LOXL2: variants seen among roughly 807,000 people sequenced by gnomAD.
LOXL2 encodes lysyl oxidase like 2, also known as lysyl oxidase homolog 2.
In LOXL2, 70 loss-of-function variants were observed where a neutral mutation model predicts 93.0. The ratio of observed to expected loss-of-function variants is 0.75; its 90% CI spans 0.62 to 0.92. The LOEUF is 0.92. Among genes scored for constraint, LOXL2 ranks in the 40% least tolerant of loss-of-function variants. The probability of loss-of-function intolerance (pLI) is 0.00; values close to 1 mark genes in which losing one functional copy is unlikely to be tolerated. For synonymous variants in LOXL2, 438 were observed against 413.2 expected (o/e 1.06, Z -0.73); for missense variants, 973 against 1,054.9 (o/e 0.92, Z 1.08).
At chr8:23,346,765 G>T (rs929885458) in intron 3 of LOXL2, among the ~76,000 whole-genome samples, 2 of 152,178 alleles carry the variant, frequency 1.3e-5, no homozygotes, top group African/African-American at 4.8e-5. Context: ...TTAGCTCAGT[G>T]GTTGTTCTCC....
intron 3 of LOXL2, 131 bp downstream of exon 3, chr8:23,359,959 A>G (rs1804261042): frequency 1.3e-6 from 1 of 798,242 alleles, no homozygotes; most frequent in Non-Finnish European, 2.0e-6. Context: ...CTGCCCTTGT[A>G]TCTAATCCCA....
chr8:23,364,238 A>G (rs1055056697), intron 2 of LOXL2: 1 of 152,136 alleles, frequency 6.6e-6, no homozygotes, highest in Non-Finnish European at 1.5e-5. Context: ...CAATGCAACC[A>G]GCTTCTGGGT....
chr8:23,323,773 C>CG (rs1311669546), intron 6 of LOXL2, among the ~76,000 whole-genome samples: 1 of 152,158 alleles, frequency 6.6e-6, no homozygotes, highest in Non-Finnish European at 1.5e-5. Context: ...GCCATCTCGG[C>CG]TCACTGCAAC....
At chr8:23,369,487 A>T (rs1367399199) in intron 1 of LOXL2, among the ~76,000 whole-genome samples, 4 of 152,144 alleles carry the variant, frequency 2.6e-5, no homozygotes, top group Non-Finnish European at 5.9e-5. Flanking sequence ...TAGGCTAATC[A>T]TATTCTTCTG....
intron 3 of LOXL2, among the ~76,000 whole-genome samples, chr8:23,351,177 A>G (rs551777991): frequency 2.0e-5 from 3 of 152,242 alleles, no homozygotes; most frequent in South Asian, 2.1e-4. Flanking sequence ...ATGAATAAAC[A>G]GATCCTTAGC....
At chr8:23,308,639 CCAGGCAAAAAAGGGAAAACAAAGAAA>C in intron 10 of LOXL2, among the ~76,000 whole-genome samples, 1 of 152,214 alleles carries the variant, frequency 6.6e-6, no homozygotes, top group South Asian at 2.1e-4. Flanking sequence ...GATTAAGAGT[CCAGGCAAAAAAGGGAAAACAAAGAAA>C]CAGAGGGAAG....
At chr8:23,311,131 G>A (rs1055144156) in intron 9 of LOXL2, among the ~76,000 whole-genome samples, 13 of 152,184 alleles carry the variant, frequency 8.5e-5, no homozygotes, top group Admixed American at 7.2e-4. Context: ...TCACCAGCAC[G>A]TGGAGTGAGC....
At chr8:23,340,432 C>T (rs1350430316) in intron 4 of LOXL2, among the ~76,000 whole-genome samples, 2 of 152,180 alleles carry the variant, frequency 1.3e-5, no homozygotes, top group Non-Finnish European at 2.9e-5. Flanking sequence ...TCCCTGTCTA[C>T]TTCTTTCCCC....
At chr8:23,380,004 C>G (rs988416365) in intron 1 of LOXL2, among the ~76,000 whole-genome samples, 5 of 152,192 alleles carry the variant, frequency 3.3e-5, no homozygotes, top group African/African-American at 1.2e-4. Flanking sequence ...GTTGGAAATG[C>G]AGAAATCACC....
chr8:23,385,914 G>A (rs748476253), intron 1 of LOXL2: 14 of 764,330 alleles, frequency 1.8e-5, no homozygotes, highest in South Asian at 8.0e-5. Flanking sequence ...CGTACTTTGC[G>A]TTTGCAGCGC....
At chr8:23,338,332 G>A (rs1208419337) in intron 4 of LOXL2, among the ~76,000 whole-genome samples, 1 of 152,076 alleles carries the variant, frequency 6.6e-6, no homozygotes, top group Admixed American at 6.6e-5. Flanking sequence ...GCTGCAGTTG[G>A]TGGCCAGGGG....
intron 5 of LOXL2, chr8:23,332,016 C>T (rs1005813132): frequency 3.4e-5 from 3 of 87,072 alleles, no homozygotes; most frequent in African/African-American, 1.4e-4. Context: ...AGCCTGGCAA[C>T]AAGAGTGAAA....
At chr8:23,375,293 C>G (rs907643736) in intron 1 of LOXL2, among the ~76,000 whole-genome samples, 1 of 152,022 alleles carries the variant, frequency 6.6e-6, no homozygotes, top group Non-Finnish European at 1.5e-5. Context: ...CTGTTCTGTT[C>G]CACTGGTCTA....
intron 1 of LOXL2, among the ~76,000 whole-genome samples, chr8:23,394,784 C>T (rs998985721): frequency 1.4e-5 from 2 of 144,450 alleles, no homozygotes; most frequent in African/African-American, 5.1e-5. Flanking sequence ...CACATTGAAA[C>T]AGGTGTTCAA....
intron 4 of LOXL2, chr8:23,336,121 C>T (rs2117175784): frequency 6.6e-6 from 1 of 152,442 alleles, no homozygotes; most frequent in East Asian, 1.9e-4. Flanking sequence ...CTCGGGGGAA[C>T]ACCAGCTGCT....
intron 9 of LOXL2, among the ~76,000 whole-genome samples, chr8:23,311,751 A>G (rs148194468): frequency 6.6e-6 from 1 of 152,344 alleles, no homozygotes; most frequent in East Asian, 1.9e-4. Flanking sequence ...AGCAAGGCAG[A>G]GGTGGAACTA....
At chr8:23,390,278 G>C (rs1055427830) in intron 1 of LOXL2, among the ~76,000 whole-genome samples, 11 of 152,208 alleles carry the variant, frequency 7.2e-5, no homozygotes, top group African/African-American at 2.7e-4. Context: ...TGGCTGAATG[G>C]GGTTTGCTCA....
At chr8:23,317,354 G>T (rs1419318389) in intron 8 of LOXL2, among the ~76,000 whole-genome samples, 2 of 152,192 alleles carry the variant, frequency 1.3e-5, no homozygotes, top group African/African-American at 4.8e-5. Context: ...GGGAAGTAGA[G>T]CTAAGGTTGT....
At position 23,303,284 on chromosome 8, in the gene LOXL2, C is replaced by T; in HGVS notation, c.1994G>A (p.Gly665Glu). ...SFCLEDTECE[G>E]DIQKNYECAN... is the part of the protein sequence containing the mutation. Reference sequence around the variant, plus strand: ...ATCCCCCCACTCCGCTCAGATACCTCCTTCACATTCTGTGTCCTCCAAGCA... The same window carrying T: ...ATCCCCCCACTCCGCTCAGATACCTTCTTCACATTCTGTGTCCTCCAAGCA... Residue 665 changes from glycine (G) to glutamate (E), a missense_variant and splice_region_variant, in exon 11 of 14, where the codon GGA becomes GAA. Coordinates refer to ENST00000389131, the MANE Select transcript of LOXL2 (RefSeq NM_002318.3). 6.2e-7 allele frequency: 1 copy of T among 1,604,666 alleles called. No individual in the cohort carries two copies. Among genetic ancestry groups the T allele is most frequent in the Non-Finnish European group, 8.5e-7 (1 of 1,171,768 alleles).
Sources: gnomAD v4.1 joint callset for allele counts (sites outside exome capture counted in the v4.1 genomes callset) on GRCh38, gnomAD v4.1.1 for gene constraint, MANE v1.5 for transcripts, NCBI Gene and HGNC (gene_info 2026-07-23, HGNC 2026-07-21) for gene names.